The following SDHAF2 variants were observed in gnomAD, a reference collection of about 807,000 sequenced individuals.
SDHAF2 encodes the protein succinate dehydrogenase assembly factor 2, mitochondrial.
SDHAF2 carries 21 observed loss-of-function variants against 18.5 expected under a neutral mutation model. That is an observed-to-expected ratio of 1.13 (90% CI 0.80 to 1.63). The LOEUF (loss-of-function observed/expected upper bound fraction) is 1.63. Ranked by LOEUF, SDHAF2 falls within the 40% of genes most tolerant of loss-of-function variation. The pLI, the probability that SDHAF2 is intolerant of heterozygous loss-of-function variation, is 0.00. For missense variants in SDHAF2, 195 were observed against 200.3 expected, an observed-to-expected ratio of 0.97 and a Z score of 0.16; for synonymous variants, 84 against 70.7, an observed-to-expected ratio of 1.19 and a Z score of -0.94.
intron 1 of SDHAF2, chr11:61,431,968 G>A (rs1449936727): frequency 2.6e-5 from 4 of 152,320 alleles, no homozygotes; most frequent in African/African-American, 9.6e-5. Context: ...GGGATTACAG[G>A]CGTGAGCCAC....
At chr11:61,439,383 C>T (rs1862037025) in intron 3 of SDHAF2, among the ~76,000 whole-genome samples, 1 of 152,220 alleles carries the variant, frequency 6.6e-6, no homozygotes, top group Non-Finnish European at 1.5e-5. Flanking sequence ...AGGAAATTAT[C>T]CAGCATACTT....
chr11:61,442,588 C>G (rs1352955163), intron 3 of SDHAF2, among the ~76,000 whole-genome samples: 1 of 152,090 alleles, frequency 6.6e-6, no homozygotes, highest in African/African-American at 2.4e-5. Flanking sequence ...TTTGGGTTCT[C>G]TGGGCATCTT....
chr11:61,432,692 ACT>A (rs1861947451), intron 1 of SDHAF2: 1 of 63,036 alleles, frequency 1.6e-5, no homozygotes, highest in Admixed American at 2.2e-4. Context: ...TATTTCGTTG[ACT>A]TTTTTTTTTT....
chr11:61,432,846 C>T (rs1369333271), intron 1 of SDHAF2: 1 of 152,098 alleles, frequency 6.6e-6, no homozygotes, highest in Non-Finnish European at 1.5e-5. Context: ...AAAAACTCTG[C>T]TCTTTTATGA....
At chr11:61,438,705 T>C (rs1012046121) in intron 3 of SDHAF2, among the ~76,000 whole-genome samples, 9 of 152,166 alleles carry the variant, frequency 5.9e-5, no homozygotes, top group Non-Finnish European at 1.0e-4. Flanking sequence ...ACTCTGGGAA[T>C]GGAGTGGAAT....
At chr11:61,439,628 G>A (rs1247901543) in intron 3 of SDHAF2, among the ~76,000 whole-genome samples, 2 of 152,232 alleles carry the variant, frequency 1.3e-5, no homozygotes, top group Admixed American at 6.5e-5. Context: ...CAGGTATGAA[G>A]AGTGATAAGA....
rs1445986287 is a variant in SDHAF2, at chr11:61,437,851, A to G, written c.260+3A>G. ...TTGGAAAACTGCATTCTTCTTAGGT[A>G]TGGGACTAGGAGTCTTTTTTTTTAA... On this transcript the variant is annotated splice_donor_region_variant and intron_variant, in intron 2 of 3. Transcript: ENST00000301761. 1.2e-5 allele frequency: 19 copies of G among 1,611,944 alleles called. No homozygotes were observed. The highest frequency in any genetic ancestry group is 1.7e-5 in the Admixed American group (1 of 60,000).
Position 61,438,039 on chromosome 11 carries a change from A to C in SDHAF2, c.296A>C (p.Glu99Ala). 1 of 1,614,128 alleles carries C rather than the reference A, an allele frequency of 6.2e-7. No homozygotes were observed. Among genetic ancestry groups the C allele is most frequent in the Non-Finnish European group, 8.5e-7 (1 of 1,180,018 alleles). The change falls in exon 3 of 4, where the codon GAA (glutamate) becomes GCA (alanine). Residue 99 changes from glutamate (E) to alanine (A), a missense_variant. Coordinates refer to ENST00000301761, the MANE Select transcript of SDHAF2 (RefSeq NM_017841.4). ...FAKEHLQHMT[E>A]KQLNLYDRLI... ...AAAGAACATCTGCAGCACATGACAG[A>C]AAAGCAGCTGAACCTCTATGACCGC...
chr11:61,437,279 C>T (rs1862004900), intron 1 of SDHAF2, among the ~76,000 whole-genome samples: 1 of 152,168 alleles, frequency 6.6e-6, no homozygotes, highest in African/African-American at 2.4e-5. Flanking sequence ...CGTTGACCTT[C>T]CCAGGCTCAG....
chr11:61,432,068 G>T (rs1382058849), intron 1 of SDHAF2: 1 of 152,222 alleles, frequency 6.6e-6, no homozygotes, highest in Non-Finnish European at 1.5e-5. Flanking sequence ...TTCGAGACCA[G>T]CCTGGGCAAC....
At chr11:61,437,964 C>G in intron 2 of SDHAF2, 40 bp from the exon 3 acceptor site, 1 of 1,594,660 alleles carries the variant, frequency 6.3e-7, no homozygotes, top group Non-Finnish European at 8.6e-7. Flanking sequence ...TAGACACAGC[C>G]TTCTCAACCT....
rs140920079 is a variant in SDHAF2, at chr11:61,446,046, A to C, written c.476A>C (p.Glu159Ala). Residue 159 changes from glutamate (E) to alanine (A), a missense_variant, in exon 4 of 4, where the codon GAG (glutamate) becomes GCG (alanine). Glu to Ala is a moderately radical substitution (Grantham distance 107). Coordinates refer to ENST00000301761, the MANE Select transcript of SDHAF2 (RefSeq NM_017841.4). The part of the protein sequence containing the change: ...KEQRLRAPDL[E>A]YLFEKPR ...CAGAGACTGCGTGCCCCAGATCTTGAGTACCTCTTTGAAAAGCCACGTTGA... is the reference window on the plus strand; with the variant it reads ...CAGAGACTGCGTGCCCCAGATCTTGCGTACCTCTTTGAAAAGCCACGTTGA... The C allele has an allele frequency of 2.0e-5, 33 of 1,614,210 alleles. No homozygotes were observed. The Admixed American group carries it at 3.8e-4, about 19-fold the overall frequency.
At chr11:61,444,240 C>T (rs1862108590) in intron 3 of SDHAF2, 2 of 152,268 alleles carry the variant, frequency 1.3e-5, no homozygotes, top group Non-Finnish European at 2.9e-5. Context: ...AATCAGGTGT[C>T]TGCTGTAAAG....
chr11:61,436,937 C>T lies in SDHAF2; in HGVS notation c.37-688C>T, dbSNP rs116460566. On this transcript the variant is annotated intron_variant, in intron 1 of 3. Coordinates refer to ENST00000301761, the MANE Select transcript of SDHAF2 (RefSeq NM_017841.4). The stretch of plus-strand genomic sequence containing the variant: ...TGGGGGATTAGGGATCATGCTGTCT[C>T]TGTGTGCTCAGGATTTGACACAGGT... The T allele has an allele frequency of 0.011, 14,449 of 1,275,278 alleles. 549 individuals are homozygous for T. In the African/African-American group the frequency reaches 0.12, roughly 10 times the overall value. The allele number at this position is 1,275,278 out of a possible 1,614,324, so 79.0% of individuals were successfully genotyped here.
rs886048419 is a variant in SDHAF2 at position 61,446,304 on chromosome 11, C to T, written c.*233C>T. 13 of 615,370 alleles carry T rather than the reference C, an allele frequency of 2.1e-5. No individual in the cohort carries two copies. Among genetic ancestry groups the T allele is most frequent in the African/African-American group, 3.7e-5 (2 of 54,430 alleles). The allele number at this position is 615,370 out of a possible 1,614,324, so 38.1% of individuals were successfully genotyped here. On this transcript the variant is annotated 3_prime_UTR_variant, in exon 4 of 4. Coordinates refer to ENST00000301761, the MANE Select transcript of SDHAF2 (RefSeq NM_017841.4). ...AGCCTCAAAAGTGATTTGTCAGCAG[C>T]GCTGGCATGCAGGCTTTGCCTGGCT...
Position 61,446,541 on chromosome 11 carries a change from C to T in SDHAF2, c.*470C>T. 1 of 469,656 alleles carries T rather than the reference C, an allele frequency of 2.1e-6. No individual in the cohort carries two copies. Among genetic ancestry groups the T allele is most frequent in the East Asian group, 3.1e-5 (1 of 32,174 alleles). The allele number at this position is 469,656 out of a possible 1,614,324, so 29.1% of individuals were successfully genotyped here. A position where few individuals can be genotyped will look rare whatever the true frequency, so the allele number is the denominator to read the frequency against. The stretch of plus-strand genomic sequence containing the variant: ...CCCCACTTCCAACCTGGTATGGCTC[C>T]TTCTGCGAAGGGAAGCTGATCCCAG... On this transcript the variant is annotated 3_prime_UTR_variant, in exon 4 of 4. Transcript: ENST00000301761.
At chr11:61,440,371 G>T (rs1340804031) in intron 3 of SDHAF2, among the ~76,000 whole-genome samples, 2 of 150,608 alleles carry the variant, frequency 1.3e-5, no homozygotes, top group Non-Finnish European at 3.0e-5. Context: ...AGGTCGAGGC[G>T]GGTGGATCAC....
chr11:61,430,245 C>T (rs983420825), intron 1 of SDHAF2, 63 bp downstream of exon 1: 5 of 1,599,432 alleles, frequency 3.1e-6, no homozygotes, highest in East Asian at 2.2e-5. Flanking sequence ...CTTTGTCTTC[C>T]TCTGTGGTCT....
At chr11:61,438,907 G>A (rs1298142598) in intron 3 of SDHAF2, among the ~76,000 whole-genome samples, 1 of 152,080 alleles carries the variant, frequency 6.6e-6, no homozygotes, top group African/African-American at 2.4e-5. Context: ...AGCCGAACAT[G>A]GTGGCGGACA....
Sources: gnomAD v4.1 joint callset for allele counts (sites outside exome capture counted in the v4.1 genomes callset) on GRCh38, gnomAD v4.1.1 for gene constraint, MANE v1.5 for transcripts, NCBI Gene and HGNC (gene_info 2026-07-23, HGNC 2026-07-21) for gene names.